PIK3C2G: variants seen among roughly 807,000 people sequenced by gnomAD.
PIK3C2G encodes phosphatidylinositol 3-kinase C2 domain-containing subunit gamma.
PIK3C2G carries 168 observed loss-of-function variants against 181.1 expected under a neutral mutation model. The ratio of observed to expected loss-of-function variants is 0.93; its 90% confidence interval spans 0.82 to 1.05. The LOEUF is 1.05. Ranked by LOEUF, PIK3C2G falls within the 50% of genes least tolerant of loss-of-function variation. The pLI, the probability that PIK3C2G is intolerant of heterozygous loss-of-function variation, is 0.00. For missense variants in PIK3C2G, 1,869 were observed against 1,732.8 expected, an observed-to-expected ratio of 1.08 and a Z score of -1.40; for synonymous variants, 573 against 592.2, an observed-to-expected ratio of 0.97 and a Z score of 0.47.
chr12:18,554,586 A>G (rs1429731373), intron 26 of PIK3C2G, among the ~76,000 whole-genome samples: 1 of 152,110 alleles, frequency 6.6e-6, no homozygotes, highest in East Asian at 1.9e-4. Context: ...TTGTTTTATC[A>G]TGTACCCAGA....
At chr12:18,513,738 A>G (rs1017278793) in intron 24 of PIK3C2G, among the ~76,000 whole-genome samples, 1 of 151,714 alleles carries the variant, frequency 6.6e-6, no homozygotes, top group South Asian at 2.1e-4. Context: ...TAAACAGTTT[A>G]TTACAAAATG....
rs567260511 is a variant in PIK3C2G at position 18,302,073 on chromosome 12, TA to T, written c.1034+8061del. ...CTAGGGACAAGGATACTGGGTGAAT[TA>T]AACCTCAGCTTCCAGTGTGGTAGTG... On this transcript the variant is annotated intron_variant, in intron 5 of 32. Coordinates refer to ENST00000538779, the MANE Select transcript of PIK3C2G (RefSeq NM_001288772.2). Among the ~76,000 whole-genome samples the T allele has an allele frequency of 4.8e-4, 73 of 152,282 alleles. 2 individuals are homozygous for T. The South Asian group carries it at 0.015, about 31-fold the overall frequency.
intron 30 of PIK3C2G, among the ~76,000 whole-genome samples, chr12:18,599,178 G>C (rs1947554655): frequency 6.6e-6 from 1 of 152,116 alleles, no homozygotes. Context: ...AAATCATGCT[G>C]CTCTAAAGAC....
chr12:18,525,991 A>G (rs1234251423), intron 24 of PIK3C2G, among the ~76,000 whole-genome samples: 1 of 152,190 alleles, frequency 6.6e-6, no homozygotes, highest in Non-Finnish European at 1.5e-5. Context: ...TCATCCCAAT[A>G]CTATTCACAA....
chr12:18,532,561 G>T (rs1159976443), intron 24 of PIK3C2G, among the ~76,000 whole-genome samples: 1 of 152,084 alleles, frequency 6.6e-6, no homozygotes, highest in South Asian at 2.1e-4. Context: ...CAGTATCATC[G>T]GTTCAAGAGG....
chr12:18,271,448 G>A (rs1948741538), intron 1 of PIK3C2G, among the ~76,000 whole-genome samples: 1 of 152,106 alleles, frequency 6.6e-6, no homozygotes, highest in South Asian at 2.1e-4. Flanking sequence ...ATAAGAGACT[G>A]CGTTTCCAGC....
At chr12:18,413,163 T>A (rs1468517317) in intron 16 of PIK3C2G, among the ~76,000 whole-genome samples, 6 of 152,028 alleles carry the variant, frequency 3.9e-5, no homozygotes. Context: ...GTGTAGATAA[T>A]TTCTTAATGG....
the PIK3C2G span, chr12:18,713,752 C>T: frequency 2.0e-5 from 3 of 152,168 alleles, no homozygotes; most frequent in Non-Finnish European, 4.4e-5. Context: ...AATACAAGTT[C>T]ACAGCTTTAT....
At position 18,399,840 on chromosome 12, in the gene PIK3C2G, A is replaced by C. The variant is rs369497823; in HGVS notation, c.2308A>C (p.Thr770Pro). Reference protein sequence around the residue: ...SQPLEALGLLTSSFPDQEIRK... With the variant: ...SQPLEALGLLPSSFPDQEIRK... ...ACCTTTAGAGGCTCTTGGGCTTTTGACTTCCAGGTAAGAATTGCATAACAA... is the reference window on the plus strand; with the variant it reads ...ACCTTTAGAGGCTCTTGGGCTTTTGCCTTCCAGGTAAGAATTGCATAACAA... The change falls in exon 16 of 33, where the codon ACT becomes CCT. Residue 770 changes from threonine to proline, a missense_variant. Transcript: ENST00000538779. 1 of 1,570,464 alleles carries C rather than the reference A, an allele frequency of 6.4e-7. No individual in the cohort carries two copies.
At chr12:18,538,807 C>G (rs951208728) in intron 25 of PIK3C2G, among the ~76,000 whole-genome samples, 2 of 151,832 alleles carry the variant, frequency 1.3e-5, no homozygotes, top group East Asian at 3.9e-4. Context: ...AGCAACTCAG[C>G]TTTTCGTGGT....
intron 18 of PIK3C2G, among the ~76,000 whole-genome samples, chr12:18,459,157 G>C (rs1360074640): frequency 6.6e-6 from 1 of 152,124 alleles, no homozygotes; most frequent in Non-Finnish European, 1.5e-5. Flanking sequence ...CGAGGAAAGA[G>C]AGATTTAAGA....
intron 1 of PIK3C2G, among the ~76,000 whole-genome samples, chr12:18,281,154 C>A (rs1211499521): frequency 6.8e-6 from 1 of 146,610 alleles, no homozygotes; most frequent in African/African-American, 2.5e-5. Flanking sequence ...AAGTCATTGA[C>A]AAATGGATGG....
At chr12:18,646,548 A>G (rs1179588754) in intron 32 of PIK3C2G, among the ~76,000 whole-genome samples, 1 of 152,188 alleles carries the variant, frequency 6.6e-6, no homozygotes, top group East Asian at 1.9e-4. Flanking sequence ...TATGCTGTAC[A>G]AAGTACTGGA....
At chr12:18,595,628 T>A (rs1947320374) in intron 30 of PIK3C2G, among the ~76,000 whole-genome samples, 1 of 152,136 alleles carries the variant, frequency 6.6e-6, no homozygotes, top group Non-Finnish European at 1.5e-5. Context: ...TCATCTCTCT[T>A]CTCTAGTTAA....
At chr12:18,563,863 T>C (rs1041858884) in intron 28 of PIK3C2G, among the ~76,000 whole-genome samples, 2 of 151,530 alleles carry the variant, frequency 1.3e-5, no homozygotes, top group African/African-American at 4.8e-5. Context: ...AGAAGAAAAT[T>C]GGATATGTTT....
At chr12:18,721,367 A>G in the PIK3C2G span, among the ~76,000 whole-genome samples, 2 of 152,090 alleles carry the variant, frequency 1.3e-5, no homozygotes, top group Non-Finnish European at 2.9e-5. Context: ...ATAAGACACC[A>G]AAGTGATCAA....
chr12:18,274,926 G>C (rs77053057), intron 1 of PIK3C2G, among the ~76,000 whole-genome samples: 157 of 152,272 alleles, frequency 1.0e-3, no homozygotes, highest in African/African-American at 3.7e-3. Flanking sequence ...TCATCTGTCT[G>C]AGGTCTCTAA....
intron 1 of PIK3C2G, among the ~76,000 whole-genome samples, chr12:18,269,911 T>G (rs1591789266): frequency 8.4e-6 from 1 of 119,750 alleles, no homozygotes; most frequent in South Asian, 2.5e-4. Context: ...TTTTTTCTTT[T>G]CTTTTTTTTT....
intron 19 of PIK3C2G, among the ~76,000 whole-genome samples, chr12:18,489,800 T>A (rs1197284346): frequency 6.6e-6 from 1 of 152,182 alleles, no homozygotes; most frequent in Non-Finnish European, 1.5e-5. Flanking sequence ...CTTTATCTCC[T>A]ATGTTTTAAA....
Sources: gnomAD v4.1 joint callset for allele counts (sites outside exome capture counted in the v4.1 genomes callset) on GRCh38, gnomAD v4.1.1 for gene constraint, MANE v1.5 for transcripts, NCBI Gene and HGNC (gene_info 2026-07-23, HGNC 2026-07-21) for gene names.